TRAPPC9: variants seen among roughly 807,000 people sequenced by gnomAD.
TRAPPC9 encodes trafficking protein particle complex subunit 9.
TRAPPC9 carries 83 observed loss-of-function variants against 124.0 expected under a neutral mutation model. That is an observed-to-expected ratio of 0.67 (90% CI 0.56 to 0.80). The LOEUF (loss-of-function observed/expected upper bound fraction) is 0.80, where lower values mean the gene tolerates loss of function less well. Among genes scored for constraint, TRAPPC9 ranks in the 30% least tolerant of loss-of-function variants. TRAPPC9 has a pLI of 0.00. For synonymous variants in TRAPPC9, 638 were observed against 617.5 expected (o/e 1.03, Z -0.49); for missense variants, 1,302 against 1,508.3 (o/e 0.86, Z 2.27).
At chr8:139,899,069 G>A (rs1174489790) in intron 20 of TRAPPC9, among the ~76,000 whole-genome samples, 6 of 130,358 alleles carry the variant, frequency 4.6e-5, no homozygotes, top group Non-Finnish European at 7.7e-5. Flanking sequence ...GCAGTGAGCC[G>A]AGATCGCACC....
chr8:139,939,122 G>A (rs1294845341), intron 19 of TRAPPC9, among the ~76,000 whole-genome samples: 4 of 152,212 alleles, frequency 2.6e-5, no homozygotes, highest in African/African-American at 9.6e-5. Context: ...TGTACTCAAA[G>A]AACTGGCCAG....
intron 17 of TRAPPC9, among the ~76,000 whole-genome samples, chr8:140,039,294 A>G: frequency 6.6e-6 from 1 of 152,224 alleles, no homozygotes; most frequent in East Asian, 1.9e-4. Context: ...TTCACCCAAG[A>G]GAGCTACAAG....
chr8:139,952,042 G>A (rs1834676279), intron 19 of TRAPPC9, among the ~76,000 whole-genome samples: 1 of 152,132 alleles, frequency 6.6e-6, no homozygotes, highest in African/African-American at 2.4e-5. Context: ...AAGGAGTAAG[G>A]TGAAGGAAAT....
intron 1 of TRAPPC9, among the ~76,000 whole-genome samples, chr8:140,453,703 G>A (rs1297190826): frequency 2.0e-5 from 3 of 152,140 alleles, no homozygotes; most frequent in African/African-American, 7.2e-5. Context: ...CAGTGCTCAC[G>A]CTCTCAAGGA....
chr8:140,385,531 A>G (rs1215143240), intron 7 of TRAPPC9, among the ~76,000 whole-genome samples: 2 of 152,236 alleles, frequency 1.3e-5, no homozygotes, highest in Non-Finnish European at 2.9e-5. Flanking sequence ...AGAGAATACT[A>G]TAAACACCTC....
intron 17 of TRAPPC9, among the ~76,000 whole-genome samples, chr8:140,051,092 T>G (rs968731343): frequency 6.6e-6 from 1 of 152,190 alleles, no homozygotes; most frequent in African/African-American, 2.4e-5. Flanking sequence ...CCACTACAGA[T>G]AGCATCCTTA....
At chr8:140,099,204 A>C (rs2060521539) in intron 17 of TRAPPC9, 1 of 149,478 alleles carries the variant, frequency 6.7e-6, no homozygotes, top group Admixed American at 6.7e-5. Flanking sequence ...CAGGGGAGAC[A>C]CCCAGCTAGG....
At chr8:139,893,454 C>T (rs965349337) in intron 20 of TRAPPC9, among the ~76,000 whole-genome samples, 11 of 152,210 alleles carry the variant, frequency 7.2e-5, no homozygotes, top group African/African-American at 1.9e-4. Flanking sequence ...AATGCTCTTT[C>T]GAGCGTGATC....
Position 140,065,126 on chromosome 8 carries a change from G to A in TRAPPC9, c.2557-41047C>T, listed in dbSNP as rs150804363. Among the ~76,000 whole-genome samples the A allele has an allele frequency of 5.9e-3, 905 of 152,200 alleles. 5 individuals carry two copies. The highest frequency in any genetic ancestry group is 0.01 in the Middle Eastern group (3 of 294). On this transcript the variant is annotated intron_variant, in intron 17 of 22. Transcript: ENST00000438773. ...AACTTGTATTGATGCTCCTTACCAC[G>A]GTTATTTACCTTGCCACAATAATCC...
intron 17 of TRAPPC9, among the ~76,000 whole-genome samples, chr8:140,083,802 G>C (rs1289193203): frequency 6.6e-6 from 1 of 152,060 alleles, no homozygotes; most frequent in Non-Finnish European, 1.5e-5. Flanking sequence ...AAGTAGCTAG[G>C]ATTACAGGCA....
chr8:140,176,721 A>G (rs574761599), intron 17 of TRAPPC9, among the ~76,000 whole-genome samples: 1 of 152,230 alleles, frequency 6.6e-6, no homozygotes. Flanking sequence ...ATGTTTAACA[A>G]TAAATAGCTA....
At chr8:139,784,782 A>G (rs959956611) in intron 21 of TRAPPC9, among the ~76,000 whole-genome samples, 17 of 151,986 alleles carry the variant, frequency 1.1e-4, no homozygotes, top group Non-Finnish European at 2.4e-4. Context: ...GTATGTGGAA[A>G]TCCACAAAAT....
chr8:140,051,916 C>T (rs761152743), intron 17 of TRAPPC9, among the ~76,000 whole-genome samples: 4 of 152,114 alleles, frequency 2.6e-5, no homozygotes, highest in Non-Finnish European at 5.9e-5. Context: ...AATGCATCCA[C>T]TGTATTTCTT....
chr8:140,056,555 A>G (rs1381137723), intron 17 of TRAPPC9, among the ~76,000 whole-genome samples: 1 of 152,098 alleles, frequency 6.6e-6, no homozygotes, highest in Non-Finnish European at 1.5e-5. Context: ...AAGAATACAC[A>G]ATGGGGGACA....
chr8:139,909,867 A>G (rs1210252432), intron 20 of TRAPPC9, among the ~76,000 whole-genome samples: 1 of 152,190 alleles, frequency 6.6e-6, no homozygotes, highest in African/African-American at 2.4e-5. Flanking sequence ...CACTAACATG[A>G]ATATCAACAC....
At chr8:140,069,484 C>T (rs534450230) in intron 17 of TRAPPC9, among the ~76,000 whole-genome samples, 5 of 152,278 alleles carry the variant, frequency 3.3e-5, no homozygotes, top group African/African-American at 1.2e-4. Flanking sequence ...TGAGGGCGGT[C>T]CCTCTGGGCC....
At chr8:140,406,668 T>G (rs535610870) in intron 5 of TRAPPC9, among the ~76,000 whole-genome samples, 1 of 152,178 alleles carries the variant, frequency 6.6e-6, no homozygotes, top group Non-Finnish European at 1.5e-5. Flanking sequence ...AGTGGAGAGA[T>G]GGATGGACAG....
At chr8:140,032,928 G>C (rs548370569) in intron 17 of TRAPPC9, among the ~76,000 whole-genome samples, 116 of 152,200 alleles carry the variant, frequency 7.6e-4, no homozygotes, top group Non-Finnish European at 9.6e-4. Flanking sequence ...TTGACAGTCT[G>C]ACAGGTGAAG....
chr8:139,904,060 T>C (rs576977581), intron 20 of TRAPPC9, among the ~76,000 whole-genome samples: 4 of 152,096 alleles, frequency 2.6e-5, no homozygotes, highest in African/African-American at 7.2e-5. Flanking sequence ...TACACAGCAC[T>C]TGGGCAAGCA....
Sources: gnomAD v4.1 joint callset for allele counts (sites outside exome capture counted in the v4.1 genomes callset) on GRCh38, gnomAD v4.1.1 for gene constraint, MANE v1.5 for transcripts, NCBI Gene and HGNC (gene_info 2026-07-23, HGNC 2026-07-21) for gene names.